The following CAPN3 variants were observed in gnomAD, a reference collection of about 807,000 sequenced individuals.
CAPN3 encodes calpain-3.
A neutral mutation model predicts 114.0 loss-of-function variants in CAPN3; 88 were observed. The ratio of observed to expected loss-of-function variants is 0.77; its 90% CI spans 0.65 to 0.92. The LOEUF is 0.92. Among genes scored for constraint, CAPN3 ranks in the 40% least tolerant of loss-of-function variants. CAPN3 has a pLI of 0.00. For missense variants in CAPN3, 1,028 were observed against 1,069.0 expected, an observed-to-expected ratio of 0.96 and a Z score of 0.53; for synonymous variants, 386 against 382.9, an observed-to-expected ratio of 1.01 and a Z score of -0.09.
intron 6 of CAPN3, among the ~76,000 whole-genome samples, chr15:42,391,568 T>TC (rs1470759116): frequency 6.6e-6 from 1 of 152,102 alleles, no homozygotes; most frequent in African/African-American, 2.4e-5. Context: ...CTCTAGGAAT[T>TC]CCGCGGCCTA....
intron 9 of CAPN3, among the ~76,000 whole-genome samples, chr15:42,398,349 CT>C (rs1237872987): frequency 1.3e-5 from 2 of 152,024 alleles, no homozygotes; most frequent in African/African-American, 4.8e-5. Context: ...CCTTGGGAGG[CT>C]GAGGCGGGCA....
At chr15:42,385,441 C>T in intron 2 of CAPN3, among the ~76,000 whole-genome samples, 1 of 152,008 alleles carries the variant, frequency 6.6e-6, no homozygotes, top group Non-Finnish European at 1.5e-5. Context: ...CTCCCCTGCA[C>T]ACTCTCAGTT....
intron 15 of CAPN3, among the ~76,000 whole-genome samples, chr15:42,406,896 T>A (rs28364516): frequency 0.011 from 1,601 of 152,218 alleles, 32 homozygotes; most frequent in African/African-American, 0.037. Flanking sequence ...AGCCAAGGCC[T>A]CTGGGGCCTG....
At chr15:42,376,235 A>G (rs180988226) in intron 1 of CAPN3, among the ~76,000 whole-genome samples, 2 of 152,048 alleles carry the variant, frequency 1.3e-5, no homozygotes, top group African/African-American at 4.8e-5. Context: ...CCCTCTTTTC[A>G]TACTATACTC....
At chr15:42,388,533 T>C (rs779124995) in intron 4 of CAPN3, among the ~76,000 whole-genome samples, 7 of 152,126 alleles carry the variant, frequency 4.6e-5, no homozygotes, top group African/African-American at 9.7e-5. Flanking sequence ...TCTCGAACTC[T>C]TGGGCTCATG....
At chr15:42,364,989 G>A (rs965964699) in intron 1 of CAPN3, among the ~76,000 whole-genome samples, 4 of 152,156 alleles carry the variant, frequency 2.6e-5, no homozygotes, top group African/African-American at 7.2e-5. Flanking sequence ...GGTAACATGG[G>A]ATCCCAGAAT....
chr15:42,379,887 C>A (rs995463518), intron 1 of CAPN3, among the ~76,000 whole-genome samples: 1 of 151,942 alleles, frequency 6.6e-6, no homozygotes. Flanking sequence ...GAGGCCAAGG[C>A]GAGCACATCA....
At chr15:42,383,326 C>T (rs781100241) in intron 1 of CAPN3, among the ~76,000 whole-genome samples, 7 of 152,126 alleles carry the variant, frequency 4.6e-5, no homozygotes, top group Non-Finnish European at 5.9e-5. Flanking sequence ...CGGTGGCTCA[C>T]GCCTGTAATC....
rs8024700 is a variant in CAPN3 at position 42,373,363 on chromosome 15, G to A, written c.310-11120G>A. On this transcript the variant is annotated intron_variant, in intron 1 of 23. Coordinates refer to ENST00000397163, the MANE Select transcript of CAPN3 (RefSeq NM_000070.3). ...AACTGGCAGACCAGATGATTCTGAT[G>A]CATGAAGTTCAAAGATCACACTTTG... is the stretch of plus-strand genomic sequence containing the variant. 2.6e-3 allele frequency among the ~76,000 whole-genome samples: 403 copies of A among 152,288 alleles called. 1 individual carries two copies. Among genetic ancestry groups the A allele is most frequent in the African/African-American group, 9.4e-3 (390 of 41,556 alleles).
chr15:42,400,419 T>A (rs1442958856), intron 10 of CAPN3, among the ~76,000 whole-genome samples: 1 of 152,126 alleles, frequency 6.6e-6, no homozygotes, highest in Non-Finnish European at 1.5e-5. Context: ...GTTGGGGACC[T>A]GACAACATTG....
At chr15:42,388,144 A>G (rs767846123) in intron 4 of CAPN3, among the ~76,000 whole-genome samples, 4 of 152,172 alleles carry the variant, frequency 2.6e-5, no homozygotes, top group Non-Finnish European at 4.4e-5. Context: ...GAGTTCTTTC[A>G]TTGCACCTCC....
At chr15:42,389,757 G>T (rs2053503019) in intron 5 of CAPN3, among the ~76,000 whole-genome samples, 196 bp from the exon 6 acceptor site, 1 of 152,166 alleles carries the variant, frequency 6.6e-6, no homozygotes. Context: ...TGGAAGGTCA[G>T]TTAGCACACA....
At chr15:42,388,571 C>T (rs549708343) in intron 4 of CAPN3, among the ~76,000 whole-genome samples, 33 of 152,176 alleles carry the variant, frequency 2.2e-4, no homozygotes, top group Non-Finnish European at 4.4e-4. Flanking sequence ...CCTCCCGAAG[C>T]GCTGGGATTG....
rs142391359 is a variant in CAPN3 at position 42,409,316 on chromosome 15, G to T, written c.1928G>T (p.Ser643Ile). 1 of 1,614,194 alleles carries T rather than the reference G, an allele frequency of 6.2e-7. No homozygotes were observed. The highest frequency in any genetic ancestry group is 1.1e-5 in the South Asian group (1 of 91,074). The change falls in exon 17 of 24, where the codon AGC (serine) becomes ATC (isoleucine). Residue 643 changes from serine (S) to isoleucine (I), a missense_variant. By Grantham distance (142) the Ser-to-Ile change is moderately radical. Transcript: ENST00000397163. ...GTGCCTCCACAGCCACAGCCTGGCAGCTCTGATCAGGAAAGTGAGGAACAG... is the reference window on the plus strand; with the variant it reads ...GTGCCTCCACAGCCACAGCCTGGCATCTCTGATCAGGAAAGTGAGGAACAG... ...QKQSPQPQPG[S>I]SDQESEEQQQ...
In CAPN3 at chr15:42,388,935, G is replaced by A. The variant is rs369784333; in HGVS notation, c.640G>A (p.Gly214Ser). 4.8e-5 allele frequency: 78 copies of A among 1,613,778 alleles called. No individual in the cohort carries two copies. Among genetic ancestry groups the A allele is most frequent in the Non-Finnish European group, 6.5e-5 (77 of 1,179,982 alleles). ...CTTCATCCTCTCTCTAAGGCTCCATGGTTCCTACGAAGCTCTGAAAGGTGG... is the reference window on the plus strand; with the variant it reads ...CTTCATCCTCTCTCTAAGGCTCCATAGTTCCTACGAAGCTCTGAAAGGTGG... Reference protein sequence around the residue: ...LLEKAYAKLHGSYEALKGGNT... With the variant: ...LLEKAYAKLHSSYEALKGGNT... Residue 214 changes from glycine to serine, a missense_variant, in exon 5 of 24, where the codon GGT becomes AGT. Coordinates refer to ENST00000397163, the MANE Select transcript of CAPN3 (RefSeq NM_000070.3).
chr15:42,389,103 CTG>C lies in CAPN3; in HGVS notation c.801+8_801+9del, dbSNP rs764551615. ...CATGGGCTGCTCCATTGATGTAAGT[CTG>C]GGGTGTGGGGCACAGGGTGGGGAGC... On this transcript the variant is annotated splice_region_variant and intron_variant, in intron 5 of 23. Coordinates refer to ENST00000397163, the MANE Select transcript of CAPN3 (RefSeq NM_000070.3). 20 of 1,613,658 alleles carry C rather than the reference CTG, an allele frequency of 1.2e-5. No homozygotes were observed. The highest frequency in any genetic ancestry group is 1.5e-5 in the Non-Finnish European group (18 of 1,179,904).
chr15:42,363,585 T>A (rs2052703872), intron 1 of CAPN3, among the ~76,000 whole-genome samples: 1 of 152,206 alleles, frequency 6.6e-6, no homozygotes, highest in Non-Finnish European at 1.5e-5. Context: ...GAAGCATGGC[T>A]TCTGCTCTCT....
chr15:42,379,527 G>T (rs1241400194), intron 1 of CAPN3, among the ~76,000 whole-genome samples: 1 of 152,058 alleles, frequency 6.6e-6, no homozygotes, highest in Non-Finnish European at 1.5e-5. Flanking sequence ...ATTACTGAAA[G>T]AGAGTGTTGA....
At position 42,386,182 on chromosome 15, in the gene CAPN3, T is replaced by C. The variant is rs1555420309; in HGVS notation, c.395T>C (p.Leu132Pro). The C allele has an allele frequency of 6.2e-7, 1 of 1,613,396 alleles. No homozygotes were observed. The highest frequency in any genetic ancestry group is 8.5e-7 in the Non-Finnish European group (1 of 1,179,318). Residue 132 changes from leucine (L) to proline (P), a missense_variant, in exon 3 of 24, where the codon CTC becomes CCC. Physicochemically the swap from Leu to Pro is moderately conservative, Grantham distance 98. Transcript: ENST00000397163. ...CQGELGDCWF[L>P]AAIACLTLNQ... is the part of the protein sequence containing the mutation. ...CTGCCTGCAGGGGACTGCTGGTTTC[T>C]CGCAGCCATTGCCTGCCTGACCCTG...
Sources: allele counts gnomAD v4.1 joint callset (sites outside exome capture counted in the v4.1 genomes callset), GRCh38; gene constraint gnomAD v4.1.1; transcripts MANE v1.5; gene names NCBI Gene and HGNC (gene_info 2026-07-23, HGNC 2026-07-21).